Variants in DPP9 observed in about 807,000 individuals in gnomAD.
The protein encoded by DPP9 is dipeptidyl peptidase 9, also known as dipeptidyl peptidase IV-related protein-2.
DPP9 carries 50 observed loss-of-function variants against 110.7 expected under a neutral mutation model. The observed-to-expected ratio is 0.45, with a 90% confidence interval of 0.36 to 0.57. The LOEUF is 0.57. DPP9 is among the 20% of genes least tolerant of loss of function. DPP9 has a pLI of 0.00. For synonymous variants in DPP9, 561 were observed against 514.4 expected (o/e 1.09, Z -1.23); for missense variants, 1,022 against 1,217.9 (o/e 0.84, Z 2.39).
Position 4,676,260 on chromosome 19 carries a change from G to T in DPP9, c.*304C>A. On this transcript the variant is annotated 3_prime_UTR_variant, in exon 22 of 22. Coordinates refer to ENST00000262960, the MANE Select transcript of DPP9 (RefSeq NM_139159.5). This position sits in a 1 kb window ranked among gnomAD's most constrained non-coding sequence, Gnocchi z 4.0. ...AGCCCGCTCCTCTGAGTCTCTTCTG[G>T]CCTCTCCAGTGCCCATCAGCGTGTG... The T allele has an allele frequency of 2.4e-6, 1 of 424,578 alleles. No homozygotes were observed. Among genetic ancestry groups the T allele is most frequent in the Non-Finnish European group, 4.4e-6 (1 of 227,988 alleles). 26.3% of individuals were successfully genotyped at this position (424,578 alleles called of 1,614,324 possible).
intron 4 of DPP9, among the ~76,000 whole-genome samples, chr19:4,707,067 G>A (rs895377907): frequency 2.6e-5 from 4 of 152,132 alleles, no homozygotes; most frequent in Non-Finnish European, 5.9e-5. Context: ...TGATTTAATC[G>A]AAGCTTCTGT....
Position 4,702,199 on chromosome 19 carries a change from G to A in DPP9, c.884-44C>T, listed in dbSNP as rs2092302384. ...AAAACTGCTGAGGGTGCCAGAGGCA[G>A]AGTCCCTGCCATCAGCACCCCCCGC... On this transcript the variant is annotated intron_variant, in intron 8 of 21. Transcript: ENST00000262960. 4.4e-6 allele frequency: 7 copies of A among 1,578,570 alleles called. No homozygotes were observed. In the East Asian group the frequency reaches 1.6e-4, roughly 36 times the overall value.
chr19:4,715,019 CTTTTTTTTTTTT>C (rs59314200), intron 3 of DPP9, among the ~76,000 whole-genome samples: 5 of 68,616 alleles, frequency 7.3e-5, no homozygotes, highest in East Asian at 5.5e-4. Context: ...TATATATATA[CTTTTTTTTTTTT>C]TTTTTTTTTT....
rs887792980 is a variant in DPP9 at position 4,683,581 on chromosome 19, C to T, written c.2227G>A (p.Glu743Lys). ...CTCAGGTCGATGAAGCCATACTTCT[C>T]GGCCACGAACTGCAGGCCCTCCACC... ...DQVEGLQFVA[E>K]KYGFIDLSRV... The change falls in exon 19 of 22, where the codon GAG (glutamate) becomes AAG (lysine). Residue 743 changes from glutamate (E) to lysine (K), a missense_variant. This residue lies in a region of DPP9 where 209 missense variants were observed against 280.4 expected (regional missense o/e 0.75). Coordinates refer to ENST00000262960, the MANE Select transcript of DPP9 (RefSeq NM_139159.5). The T allele has an allele frequency of 1.2e-5, 20 of 1,613,462 alleles. No individual in the cohort carries two copies. Among genetic ancestry groups the T allele is most frequent in the Middle Eastern group, 1.6e-4 (1 of 6,084 alleles).
intron 5 of DPP9, 77 bp downstream of exon 5, chr19:4,705,781 G>A: frequency 7.1e-7 from 1 of 1,406,014 alleles, no homozygotes; most frequent in Non-Finnish European, 1.0e-6. Flanking sequence ...GGTGACCGAA[G>A]GCATGTATGG....
rs749324589 is a variant in DPP9, at chr19:4,684,653, G to A, written c.2178+10C>T. 6.8e-6 allele frequency: 11 copies of A among 1,612,980 alleles called. No homozygotes were observed. Among genetic ancestry groups the A allele is most frequent in the Non-Finnish European group, 8.5e-6 (10 of 1,179,652 alleles). ...CCAAAGGACCCAGAGCAACAGGGAG[G>A]AGTTGTTACCATTTGGTTTTTCAGG... On this transcript the variant is annotated intron_variant, in intron 18 of 21. Transcript: ENST00000262960. This position sits in a 1 kb window ranked among gnomAD's most constrained non-coding sequence, Gnocchi z 4.8.
chr19:4,704,382 G>GC lies in DPP9; in HGVS notation c.427-79dup, dbSNP rs2145760735. ...CGCTGGCCAGGGCAGAGATCCTCGG[G>GC]CTGGGGCATTCCCAGGGAATCTGAC... On this transcript the variant is annotated intron_variant, in intron 5 of 21. Transcript: ENST00000262960. This position sits in a 1 kb window ranked among gnomAD's most constrained non-coding sequence, Gnocchi z 6.0. 2 of 1,506,016 alleles carry GC rather than the reference G, an allele frequency of 1.3e-6. No homozygotes were observed. Among genetic ancestry groups the GC allele is most frequent in the Non-Finnish European group, 1.8e-6 (2 of 1,109,104 alleles). The allele number at this position is 1,506,016 out of a possible 1,614,324, so 93.3% of individuals were successfully genotyped here. A position where few individuals can be genotyped will look rare whatever the true frequency, so the allele number is the denominator to read the frequency against.
rs929835516 is a variant in DPP9 at position 4,685,387 on chromosome 19, G to A, written c.2031+239C>T. ...GAGGAACAAGGGAGAGTCAGCAGGC[G>A]GAGGGGGAAGGGGAGGCCATCCAGG... On this transcript the variant is annotated intron_variant, in intron 17 of 21. Coordinates refer to ENST00000262960, the MANE Select transcript of DPP9 (RefSeq NM_139159.5). The surrounding 1 kb of genome is among the most constrained non-coding windows in gnomAD (Gnocchi z 5.8). 4.4e-5 allele frequency: 29 copies of A among 661,622 alleles called. No individual in the cohort carries two copies. Among genetic ancestry groups the A allele is most frequent in the Middle Eastern group, 2.4e-4 (1 of 4,148 alleles). 41.0% of individuals were successfully genotyped at this position (661,622 alleles called of 1,614,324 possible).
Position 4,684,974 on chromosome 19 carries a change from C to T in DPP9, c.2032-165G>A, listed in dbSNP as rs755843454. The T allele has an allele frequency of 2.4e-5, 21 of 862,640 alleles. No homozygotes were observed. The highest frequency in any genetic ancestry group is 1.5e-4 in the African/African-American group (9 of 60,116). The allele number at this position is 862,640 out of a possible 1,614,324, so 53.4% of individuals were successfully genotyped here. On this transcript the variant is annotated intron_variant, in intron 17 of 21. Coordinates refer to ENST00000262960, the MANE Select transcript of DPP9 (RefSeq NM_139159.5). This position sits in a 1 kb window ranked among gnomAD's most constrained non-coding sequence, Gnocchi z 4.8. ...GGATGGACACCTGGGAGTGGCAAGG[C>T]GGGAGGGGCCCATACTCGGGACCCT...
rs755763979 is a variant in DPP9 at position 4,704,111 on chromosome 19, C to T, written c.600+20G>A. 1 of 1,613,812 alleles carries T rather than the reference C, an allele frequency of 6.2e-7. No individual in the cohort carries two copies. The highest frequency in any genetic ancestry group is 8.5e-7 in the Non-Finnish European group (1 of 1,179,800). ...GGGCCCTCCACGCCACCCCCGCACA[C>T]AGCCAGGGCCAGGGCTCACCATGAA... On this transcript the variant is annotated intron_variant, in intron 6 of 21. Coordinates refer to ENST00000262960, the MANE Select transcript of DPP9 (RefSeq NM_139159.5). This position sits in a 1 kb window ranked among gnomAD's most constrained non-coding sequence, Gnocchi z 6.0.
At chr19:4,681,595 C>T (rs1186836919) in intron 20 of DPP9, among the ~76,000 whole-genome samples, 1 of 151,936 alleles carries the variant, frequency 6.6e-6, no homozygotes, top group Non-Finnish European at 1.5e-5. Context: ...GAGACAGTTT[C>T]TCTCTGTTGC....
At position 4,691,185 on chromosome 19, in the gene DPP9, C is replaced by T. The variant is rs62113866; in HGVS notation, c.1517-228G>A. On this transcript the variant is annotated intron_variant, in intron 13 of 21. Transcript: ENST00000262960. ...TGGATGGCAGGCCCAGTGTTTCCCA[C>T]GATAAACCAGGAGACCCGTGGCTCA... Among the ~76,000 whole-genome samples, 827 of 152,146 alleles carry T rather than the reference C, an allele frequency of 5.4e-3. 5 individuals are homozygous for T. The highest frequency in any genetic ancestry group is 0.034 in the Middle Eastern group (10 of 294).
rs7256614 is a variant in DPP9 at position 4,685,918 on chromosome 19, A to C, written c.1886-147T>G. 79 of 942,710 alleles carry C rather than the reference A, an allele frequency of 8.4e-5. No individual in the cohort carries two copies. In the African/African-American group the frequency reaches 1.1e-3, roughly 14 times the overall value. 58.4% of individuals were successfully genotyped at this position (942,710 alleles called of 1,614,324 possible). ...TCCCGAGAGTTGATAATTGAAAAAA[A>C]CGTTTTTTTTTCATTAAATAAGATT... On this transcript the variant is annotated intron_variant, in intron 16 of 21. Transcript: ENST00000262960. This position sits in a 1 kb window ranked among gnomAD's most constrained non-coding sequence, Gnocchi z 5.8.
intron 4 of DPP9, among the ~76,000 whole-genome samples, chr19:4,707,978 G>A (rs1055349562): frequency 6.6e-6 from 1 of 152,124 alleles, no homozygotes; most frequent in African/African-American, 2.4e-5. Flanking sequence ...CCGCCTCTGG[G>A]ATTAGTGCTT....
rs2091656612 is a variant in DPP9, at chr19:4,694,879, G to A, written c.1354-56C>T. ...GAAGGTGTGGGTGGCCGGGCATGGT[G>A]GCTCACACCAGTAATCCCAGTAGTT... is the stretch of plus-strand genomic sequence containing the variant. On this transcript the variant is annotated intron_variant, in intron 12 of 21. Coordinates refer to ENST00000262960, the MANE Select transcript of DPP9 (RefSeq NM_139159.5). This position sits in a 1 kb window ranked among gnomAD's most constrained non-coding sequence, Gnocchi z 4.0. 6.4e-7 allele frequency: 1 copy of A among 1,569,438 alleles called. No individual in the cohort carries two copies. The highest frequency in any genetic ancestry group is 1.7e-5 in the Admixed American group (1 of 58,480).
chr19:4,694,833 A>G lies in DPP9; in HGVS notation c.1354-10T>C, dbSNP rs745440517. 5 of 1,613,286 alleles carry G rather than the reference A, an allele frequency of 3.1e-6. No individual in the cohort carries two copies. Among genetic ancestry groups the G allele is most frequent in the Non-Finnish European group, 4.2e-6 (5 of 1,179,620 alleles). ...AGAAGATGTCATGAACCTGTCCGGA[A>G]AGCAGATAGAAGATGCGTCAGAAGG... On this transcript the variant is annotated splice_polypyrimidine_tract_variant and intron_variant, in intron 12 of 21. Coordinates refer to ENST00000262960, the MANE Select transcript of DPP9 (RefSeq NM_139159.5). This position sits in a 1 kb window ranked among gnomAD's most constrained non-coding sequence, Gnocchi z 4.0.
intron 21 of DPP9, 65 bp downstream of exon 21, chr19:4,679,770 C>T: frequency 8.8e-7 from 1 of 1,142,114 alleles, no homozygotes; most frequent in Non-Finnish European, 1.3e-6. Context: ...CCCGCCTCGT[C>T]CCACCCCCCA....
rs760133663 is a variant in DPP9, at chr19:4,710,531, C to T, written c.313+3550G>A. The stretch of plus-strand genomic sequence containing the variant: ...TCCCCCGCTGCTCCTGCTAGCCTGA[C>T]GCTGGGGGCTTTATCATGTGGATCT... On this transcript the variant is annotated intron_variant, in intron 4 of 21. Coordinates refer to ENST00000262960, the MANE Select transcript of DPP9 (RefSeq NM_139159.5). The surrounding 1 kb of genome is among the most constrained non-coding windows in gnomAD (Gnocchi z 5.6). Among the ~76,000 whole-genome samples the T allele has an allele frequency of 6.6e-6, 1 of 152,350 alleles. No individual in the cohort carries two copies.
In DPP9 at chr19:4,693,168, G is replaced by A. The variant is rs568916092; in HGVS notation, c.1516+1493C>T. Among the ~76,000 whole-genome samples the A allele has an allele frequency of 3.2e-4, 48 of 152,240 alleles. No individual in the cohort carries two copies. Among genetic ancestry groups the A allele is most frequent in the Admixed American group, 7.2e-4 (11 of 15,302 alleles). ...CATGGAGTGGGTGGAGGCCAGGGATGCCACTTGGTGCACAGGATGGCCCCG... is the reference window on the plus strand; with the variant it reads ...CATGGAGTGGGTGGAGGCCAGGGATACCACTTGGTGCACAGGATGGCCCCG... On this transcript the variant is annotated intron_variant, in intron 13 of 21. Coordinates refer to ENST00000262960, the MANE Select transcript of DPP9 (RefSeq NM_139159.5). This position sits in a 1 kb window ranked among gnomAD's most constrained non-coding sequence, Gnocchi z 5.0.
Sources: allele counts gnomAD v4.1 joint callset (sites outside exome capture counted in the v4.1 genomes callset), GRCh38; gene constraint gnomAD v4.1.1; regional missense constraint gnomAD v4.1.1; non-coding constraint Gnocchi (gnomAD v3.1); transcripts MANE v1.5; gene names NCBI Gene and HGNC (gene_info 2026-07-23, HGNC 2026-07-21).